Variants in IGSF9 observed in about 807,000 individuals in gnomAD.
IGSF9 encodes immunoglobulin superfamily member 9, also known as protein turtle homolog A.
A neutral mutation model predicts 121.7 loss-of-function variants in IGSF9; 87 were observed. The observed-to-expected ratio is 0.71, with a 90% CI of 0.60 to 0.85. The LOEUF is 0.85. Among genes scored for constraint, IGSF9 ranks in the 40% least tolerant of loss-of-function variants. IGSF9 has a pLI of 0.00. For missense variants in IGSF9, 1,462 were observed against 1,565.3 expected, an observed-to-expected ratio of 0.93 and a Z score of 1.11; for synonymous variants, 640 against 648.4, an observed-to-expected ratio of 0.99 and a Z score of 0.20.
At chr1:159,927,655 G>A (rs1294713276) in intron 20 of IGSF9, 105 bp downstream of exon 20, 15 of 1,543,884 alleles carry the variant, frequency 9.7e-6, no homozygotes, top group African/African-American at 5.5e-5. Context: ...TAGAGCAGAG[G>A]AGCCTGGGAG....
rs759835757 is a variant in IGSF9, at chr1:159,943,472, C to T, written c.-18G>A. On this transcript the variant is annotated 5_prime_UTR_variant, in exon 2 of 21. Transcript: ENST00000368094. Reference sequence around the variant, plus strand: ...CACACCATAGCCCAGCTGGCCTGCTCACCCAGCCCCTCCTATCCACAGGAG... The same window carrying T: ...CACACCATAGCCCAGCTGGCCTGCTTACCCAGCCCCTCCTATCCACAGGAG... 3.2e-6 allele frequency: 5 copies of T among 1,544,536 alleles called. No homozygotes were observed. Among genetic ancestry groups the T allele is most frequent in the Non-Finnish European group, 4.4e-6 (5 of 1,145,432 alleles).
Position 159,927,097 on chromosome 1 carries a change from CAGAGAGAGAGAGAG to C in IGSF9, c.*234_*247del, listed in dbSNP as rs1553225973. 16 of 371,874 alleles carry C rather than the reference CAGAGAGAGAGAGAG, an allele frequency of 4.3e-5. No homozygotes were observed. Among genetic ancestry groups the C allele is most frequent in the African/African-American group, 9.5e-5 (4 of 42,230 alleles). The allele number at this position is 371,874 out of a possible 1,614,324, so 23.0% of individuals were successfully genotyped here. The stretch of plus-strand genomic sequence containing the variant: ...AACTTCACACACACACACACACACA[CAGAGAGAGAGAGAG>C]AGAGAGAGAGAGAGAGAGAGGCAGA... On this transcript the variant is annotated 3_prime_UTR_variant, in exon 21 of 21. Coordinates refer to ENST00000368094, the MANE Select transcript of IGSF9 (RefSeq NM_001135050.2).
chr1:159,931,913 TA>T lies in IGSF9; in HGVS notation c.1260del (p.Phe420LeufsTer2). On this transcript the variant is annotated frameshift_variant, in exon 11 of 21. Coordinates refer to ENST00000368094, the MANE Select transcript of IGSF9 (RefSeq NM_001135050.2). LOFTEE classifies it high-confidence loss of function. This position sits in a 1 kb window ranked among gnomAD's most constrained non-coding sequence, Gnocchi z 4.8. ...TRVLLKAPPA[F>X]IERPKEEYFQ... ...AAATATTCTTCCTTGGGCCGCTCTATAAAAGCTGGGGGAGCCTGCAAGCCAG... is the reference window on the plus strand; with the variant it reads ...AAATATTCTTCCTTGGGCCGCTCTATAAAGCTGGGGGAGCCTGCAAGCCAG... 1.3e-6 allele frequency: 2 copies of T among 1,593,492 alleles called. No individual in the cohort carries two copies. Among genetic ancestry groups the T allele is most frequent in the Non-Finnish European group, 1.7e-6 (2 of 1,173,998 alleles).
chr1:159,934,272 AC>A lies in IGSF9; in HGVS notation c.1021del (p.Val341Ter). The A allele has an allele frequency of 1.9e-6, 3 of 1,613,216 alleles. No individual in the cohort carries two copies. The highest frequency in any genetic ancestry group is 2.2e-5 in the South Asian group (2 of 90,856). ...GTTGGCACGAACCGGGCAGCGGATC[AC>A]CCCCGGCATGCCTATGGGCAGGGGT... ...ETPLPIGMPG[V>X]IRCPVRANPP... is the part of the protein sequence containing the mutation. On this transcript the variant is annotated frameshift_variant, in exon 9 of 21. Coordinates refer to ENST00000368094, the MANE Select transcript of IGSF9 (RefSeq NM_001135050.2). LOFTEE classifies it high-confidence loss of function.
chr1:159,943,069 G>C lies in IGSF9; in HGVS notation c.141C>G (p.Ala47=). The change falls in exon 3 of 21, where the codon GCC becomes GCG. Residue 47 remains alanine, a synonymous_variant. Transcript: ENST00000368094. ...VVLGCDLLPP[A]GRPPLHVIEW... ...CGATGACATGCAGGGGGGGCCGGCC[G>C]GCCGGGGGCAGCAGGTCACAGCCCA... 7 of 1,612,802 alleles carry C rather than the reference G, an allele frequency of 4.3e-6. No individual in the cohort carries two copies. The highest frequency in any genetic ancestry group is 5.9e-6 in the Non-Finnish European group (7 of 1,179,426).
intron 4 of IGSF9, 148 bp downstream of exon 4, chr1:159,937,538 A>C: frequency 1.3e-6 from 1 of 790,752 alleles, no homozygotes; most frequent in Non-Finnish European, 2.0e-6. Flanking sequence ...CTACTAAGTG[A>C]GCAAACAAGG....
intron 2 of IGSF9, 86 bp downstream of exon 2, chr1:159,943,311 C>A: frequency 7.1e-7 from 1 of 1,400,780 alleles, no homozygotes; most frequent in Admixed American, 2.8e-5. Context: ...CCTGCCCTCA[C>A]ATGCTCAAAG....
In IGSF9 at chr1:159,930,696, C is replaced by T. The variant is rs775393268; in HGVS notation, c.1809G>A (p.Pro603=). ...GPFSEIVLSA[P]EGLPTTPAAP... is the part of the protein sequence containing the mutation. ...CTGGGACGAGAAGCTTCTCACCTTC[C>T]GGAGCAGACAAGACGATTTCGCTGA... Residue 603 remains proline (P), a synonymous_variant, in exon 14 of 21, where the codon CCG becomes CCA. Transcript: ENST00000368094. The T allele has an allele frequency of 1.1e-5, 18 of 1,613,864 alleles. No individual in the cohort carries two copies. The highest frequency in any genetic ancestry group is 1.4e-5 in the Non-Finnish European group (16 of 1,179,968).
chr1:159,930,371 G>A lies in IGSF9; in HGVS notation c.1882C>T (p.Arg628Trp). The change falls in exon 15 of 21, where the codon CGG becomes TGG. Residue 628 changes from arginine to tryptophan, a missense_variant. Physicochemically the swap from Arg to Trp is moderately radical, Grantham distance 101. This residue lies in a region of IGSF9 where 808 missense variants were observed against 815.2 expected (regional missense o/e 0.99). Coordinates refer to ENST00000368094, the MANE Select transcript of IGSF9 (RefSeq NM_001135050.2). ...TEIPPPLSPP[R>W]GLVAVRTPRG... is the part of the protein sequence containing the mutation. ...GGTGTCCTCACTGCCACCAGACCCC[G>A]CGGAGGGGACAGGGGAGGCGGTATC... 1.3e-6 allele frequency: 2 copies of A among 1,598,028 alleles called. No individual in the cohort carries two copies. Among genetic ancestry groups the A allele is most frequent in the Non-Finnish European group, 1.7e-6 (2 of 1,170,626 alleles).
Position 159,928,644 on chromosome 1 carries a change from C to T in IGSF9, c.2744G>A (p.Ser915Asn). 6.8e-7 allele frequency: 1 copy of T among 1,480,528 alleles called. No individual in the cohort carries two copies. Among genetic ancestry groups the T allele is most frequent in the Non-Finnish European group, 9.0e-7 (1 of 1,113,984 alleles). 91.7% of individuals were successfully genotyped at this position (1,480,528 alleles called of 1,614,324 possible). Residue 915 changes from serine (S) to asparagine (N), a missense_variant, in exon 19 of 21, where the codon AGT (serine) becomes AAT (asparagine). Around this residue, in one of 3 missense-constraint regions of IGSF9, gnomAD observed 808 missense variants for 815.2 expected, o/e 0.99. Coordinates refer to ENST00000368094, the MANE Select transcript of IGSF9 (RefSeq NM_001135050.2). Reference sequence around the variant, plus strand: ...CAGGGGTCCAGGACCTGGCAAGGGACTGGGTGGGGCTGCTGGAGGGGGTGC... The same window carrying T: ...CAGGGGTCCAGGACCTGGCAAGGGATTGGGTGGGGCTGCTGGAGGGGGTGC... The part of the protein sequence containing the change: ...PVAPPPAAPP[S>N]PLPGPGPLLQ...
In IGSF9 at chr1:159,930,729, A is replaced by G. The variant is rs1650964941; in HGVS notation, c.1776T>C (p.Ser592=). Residue 592 remains serine, a synonymous_variant, in exon 14 of 21, where the codon AGT becomes AGC. Coordinates refer to ENST00000368094, the MANE Select transcript of IGSF9 (RefSeq NM_001135050.2). ...ACAAGACGATTTCGCTGAAGGGACC[A>G]CTCCCCAGCTTGTTCTGAGCTAGCA... ...FSVLAQNKLG[S]GPFSEIVLSA... The G allele has an allele frequency of 3.1e-6, 5 of 1,613,590 alleles. No individual in the cohort carries two copies. The highest frequency in any genetic ancestry group is 4.2e-6 in the Non-Finnish European group (5 of 1,179,896).
intron 1 of IGSF9, among the ~76,000 whole-genome samples, chr1:159,944,558 C>T (rs931757440): frequency 1.6e-4 from 24 of 152,300 alleles, no homozygotes; most frequent in African/African-American, 5.5e-4. Context: ...TTCCCCAACC[C>T]CAGAGGCATG....
chr1:159,940,222 C>T (rs1651331873), intron 3 of IGSF9, among the ~76,000 whole-genome samples: 1 of 152,244 alleles, frequency 6.6e-6, no homozygotes, highest in Non-Finnish European at 1.5e-5. Context: ...GGACCGAGTG[C>T]TGTTCAGGGC....
At position 159,931,619 on chromosome 1, in the gene IGSF9, T is replaced by C; in HGVS notation, c.1363-16A>G. On this transcript the variant is annotated splice_polypyrimidine_tract_variant and intron_variant, in intron 11 of 20. Transcript: ENST00000368094. The surrounding 1 kb of genome is among the most constrained non-coding windows in gnomAD (Gnocchi z 4.8). Reference sequence around the variant, plus strand: ...CCCGGCCCACCTACAGAACCACTGGTGAGCCCTGAGGACACACGCAGCCAC... The same window carrying C: ...CCCGGCCCACCTACAGAACCACTGGCGAGCCCTGAGGACACACGCAGCCAC... 6.2e-7 allele frequency: 1 copy of C among 1,612,928 alleles called. No homozygotes were observed. Among genetic ancestry groups the C allele is most frequent in the Non-Finnish European group, 8.5e-7 (1 of 1,179,708 alleles).
At chr1:159,936,620 A>C in intron 5 of IGSF9, 104 bp from the exon 6 acceptor site, 1 of 1,521,408 alleles carries the variant, frequency 6.6e-7, no homozygotes, top group Admixed American at 1.8e-5. Context: ...GGCTCGGGGC[A>C]AACAATGCCA....
In IGSF9 at chr1:159,931,417, T is replaced by C; in HGVS notation, c.1513+36A>G. The C allele has an allele frequency of 1.2e-6, 2 of 1,603,574 alleles. No individual in the cohort carries two copies. The highest frequency in any genetic ancestry group is 1.7e-6 in the Non-Finnish European group (2 of 1,172,340). ...CCTCCAAAAACGATTCCCAAGTAGT[T>C]TCTCCCAGCCCCTGGCCCTCTCTCC... On this transcript the variant is annotated intron_variant, in intron 12 of 20. Coordinates refer to ENST00000368094, the MANE Select transcript of IGSF9 (RefSeq NM_001135050.2). This position sits in a 1 kb window ranked among gnomAD's most constrained non-coding sequence, Gnocchi z 4.8.
In IGSF9 at chr1:159,929,865, G is replaced by T. The variant is rs370000653; in HGVS notation, c.2149+26C>A. The T allele has an allele frequency of 2.2e-4, 353 of 1,581,922 alleles. 1 individual carries two copies. The Middle Eastern group carries it at 6.8e-3, about 31-fold the overall frequency. On this transcript the variant is annotated intron_variant, in intron 16 of 20. Transcript: ENST00000368094. ...TCAGTGGACTCGGAGCAGCCCTGGG[G>T]CTCCTCCCTCACGCCAGGTGCTCAC...
intron 4 of IGSF9, among the ~76,000 whole-genome samples, chr1:159,937,144 G>C (rs1651219389): frequency 6.6e-6 from 1 of 152,208 alleles, no homozygotes; most frequent in South Asian, 2.1e-4. Context: ...TCCAGAGCCT[G>C]GGGGAGAGCC....
rs1369905606 is a variant in IGSF9 at position 159,930,813 on chromosome 1, C to A, written c.1692G>T (p.Val564=). 6.2e-7 allele frequency: 1 copy of A among 1,613,678 alleles called. No individual in the cohort carries two copies. Among genetic ancestry groups the A allele is most frequent in the Non-Finnish European group, 8.5e-7 (1 of 1,179,824 alleles). Residue 564 remains valine (V), a synonymous_variant, in exon 14 of 21, where the codon GTG becomes GTT. Transcript: ENST00000368094. ...CTGGCACTAGGAGGTGAGCAGCCCC[C>A]ACAGGCACTGCCAAGGACACCCAGT... is the stretch of plus-strand genomic sequence containing the variant. The part of the protein sequence containing the change: ...HHDWVSLAVP[V]GAAHLLVPGL...
Sources: allele counts gnomAD v4.1 joint callset (sites outside exome capture counted in the v4.1 genomes callset), GRCh38; gene constraint gnomAD v4.1.1; regional missense constraint gnomAD v4.1.1; non-coding constraint Gnocchi (gnomAD v3.1); transcripts MANE v1.5; gene names NCBI Gene and HGNC (gene_info 2026-07-23, HGNC 2026-07-21).